MME: variants seen among roughly 807,000 people sequenced by gnomAD.
MME encodes the protein neprilysin.
A neutral mutation model predicts 113.2 loss-of-function variants in MME; 98 were observed. That is an observed-to-expected ratio of 0.87 (90% CI 0.74 to 1.02). The LOEUF (loss-of-function observed/expected upper bound fraction) is 1.02, where lower values mean the gene tolerates loss of function less well. Among genes scored for constraint, MME ranks in the 50% least tolerant of loss-of-function variants. The pLI is 0.00. For missense variants in MME, 836 were observed against 896.0 expected (o/e 0.93, Z 0.86); for synonymous variants, 292 against 300.6 (o/e 0.97, Z 0.30).
At chr3:155,148,387 A>G (rs1559950891) in intron 15 of MME, among the ~76,000 whole-genome samples, 163 bp from the exon 16 acceptor site, 1 of 152,136 alleles carries the variant, frequency 6.6e-6, no homozygotes, top group Admixed American at 6.6e-5. Flanking sequence ...TGATATACTA[A>G]TAGAATTAGG....
In MME at chr3:155,095,118, A is replaced by C. The variant is rs554281727; in HGVS notation, c.196+10024A>C. On this transcript the variant is annotated intron_variant, in intron 3 of 22. Transcript: ENST00000360490. ...TGGGAAGCTTTTGAAATGTACCCAT[A>C]CTACTAAACCTTCCATTCTTCCTGG... Among the ~76,000 whole-genome samples the C allele has an allele frequency of 3.3e-5, 5 of 152,374 alleles. No homozygotes were observed. The South Asian group carries it at 1.0e-3, about 32-fold the overall frequency.
At chr3:155,042,903 T>G (rs1713383675) in intron 1 of MME, among the ~76,000 whole-genome samples, 3 of 35,866 alleles carry the variant, frequency 8.4e-5, no homozygotes, top group African/African-American at 2.3e-4. Context: ...GTAGGTTTTA[T>G]ATATATATAT....
intron 8 of MME, among the ~76,000 whole-genome samples, chr3:155,122,228 A>G (rs1378643202): frequency 6.6e-6 from 1 of 151,910 alleles, no homozygotes; most frequent in African/African-American, 2.4e-5. Flanking sequence ...GTATTCTCTG[A>G]TGGTAGTTTG....
At chr3:155,173,117 T>C (rs1559966471) in intron 22 of MME, among the ~76,000 whole-genome samples, 1 of 151,862 alleles carries the variant, frequency 6.6e-6, no homozygotes, top group Non-Finnish European at 1.5e-5. Context: ...CTCTACAGAG[T>C]AGAAAACTGA....
chr3:155,070,979 A>G (rs1488558872), intron 1 of MME, among the ~76,000 whole-genome samples: 1 of 152,148 alleles, frequency 6.6e-6, no homozygotes, highest in Non-Finnish European at 1.5e-5. Context: ...AGTCAGGGCC[A>G]CAGCTGTCCA....
chr3:155,166,801 T>G (rs1470335594), intron 17 of MME, 101 bp from the exon 18 acceptor site: 1 of 1,457,942 alleles, frequency 6.9e-7, no homozygotes, highest in African/African-American at 1.4e-5. Context: ...CATGCGCCTG[T>G]AGTCCCAGCT....
chr3:155,033,385 T>C (rs1713035505), intron 1 of MME, among the ~76,000 whole-genome samples: 1 of 152,208 alleles, frequency 6.6e-6, no homozygotes, highest in African/African-American at 2.4e-5. Context: ...TTAAATCTAT[T>C]ATATTAAGCT....
intron 1 of MME, among the ~76,000 whole-genome samples, chr3:155,039,584 G>T (rs926606212): frequency 1.3e-5 from 2 of 151,982 alleles, no homozygotes; most frequent in Non-Finnish European, 2.9e-5. Flanking sequence ...CTGACCAAAG[G>T]AATCTCCATA....
At chr3:155,178,291 T>C (rs1156728561) in intron 22 of MME, among the ~76,000 whole-genome samples, 2 of 151,428 alleles carry the variant, frequency 1.3e-5, no homozygotes, top group East Asian at 3.9e-4. Flanking sequence ...GATAGGAGAG[T>C]TGTGGTGGAG....
chr3:155,041,822 A>G (rs1267886796), intron 1 of MME, among the ~76,000 whole-genome samples: 1 of 152,196 alleles, frequency 6.6e-6, no homozygotes, highest in Admixed American at 6.5e-5. Flanking sequence ...CTTATGTACC[A>G]TATCTTAAAT....
At chr3:155,136,712 A>C (rs1720665296) in intron 8 of MME, among the ~76,000 whole-genome samples, 1 of 152,166 alleles carries the variant, frequency 6.6e-6, no homozygotes. Context: ...GATCACTGTA[A>C]ATTCAGATGC....
chr3:155,103,241 T>C (rs1717412507), intron 3 of MME, among the ~76,000 whole-genome samples: 1 of 152,242 alleles, frequency 6.6e-6, no homozygotes, highest in South Asian at 2.1e-4. Flanking sequence ...CCAATAAATA[T>C]TGATTGAATA....
intron 3 of MME, among the ~76,000 whole-genome samples, chr3:155,106,375 C>G (rs1717686688): frequency 6.6e-6 from 1 of 152,086 alleles, no homozygotes; most frequent in South Asian, 2.1e-4. Context: ...TTTCTTCAAC[C>G]AAGGCATCAC....
intron 3 of MME, among the ~76,000 whole-genome samples, chr3:155,106,883 C>G (rs1003145537): frequency 6.6e-6 from 1 of 152,308 alleles, no homozygotes; most frequent in South Asian, 2.1e-4. Flanking sequence ...ATTTCTCTGA[C>G]CTCTGTTGGA....
In MME at chr3:155,067,986, C is replaced by T. The variant is rs538294043; in HGVS notation, c.-10-16172C>T. Among the ~76,000 whole-genome samples the T allele has an allele frequency of 5.3e-5, 8 of 152,300 alleles. No individual in the cohort carries two copies. In the East Asian group the frequency reaches 1.2e-3, roughly 22 times the overall value. ...GTAAAGACTTAAAAATGAATTTTCACAGAAGCTTTATGTGTAATAGCCCCA... is the reference window on the plus strand; with the variant it reads ...GTAAAGACTTAAAAATGAATTTTCATAGAAGCTTTATGTGTAATAGCCCCA... On this transcript the variant is annotated intron_variant, in intron 1 of 22. Transcript: ENST00000492661.
chr3:155,117,568 A>G (rs1175539297), intron 7 of MME, among the ~76,000 whole-genome samples: 3 of 150,834 alleles, frequency 2.0e-5, no homozygotes, highest in Non-Finnish European at 2.9e-5. Context: ...TGAAAAATAT[A>G]AAGAGTTTTT....
chr3:155,071,372 C>G (rs1424827281), intron 1 of MME, among the ~76,000 whole-genome samples: 1 of 152,130 alleles, frequency 6.6e-6, no homozygotes, highest in African/African-American at 2.4e-5. Context: ...GGAATAGGCC[C>G]AATTCTATGT....
intron 1 of MME, chr3:155,083,843 C>G: frequency 3.1e-6 from 1 of 326,802 alleles, no homozygotes; most frequent in Non-Finnish European, 5.9e-6. Flanking sequence ...TGCTTATAAA[C>G]TGCTGAATTA....
chr3:155,069,174 T>C (rs775799110), intron 1 of MME, among the ~76,000 whole-genome samples: 2 of 152,072 alleles, frequency 1.3e-5, no homozygotes, highest in Non-Finnish European at 2.9e-5. Context: ...AAAGCTGAAA[T>C]AATGATATGG....
Sources: allele counts gnomAD v4.1 joint callset (sites outside exome capture counted in the v4.1 genomes callset), GRCh38; gene constraint gnomAD v4.1.1; transcripts MANE v1.5; gene names NCBI Gene and HGNC (gene_info 2026-07-23, HGNC 2026-07-21).